CHRAC1: variants seen among roughly 807,000 people sequenced by gnomAD.
CHRAC1 encodes chromatin accessibility complex protein 1.
Under a neutral mutation model 9.1 loss-of-function variants are expected in CHRAC1, and 6 were observed. The observed-to-expected ratio is 0.66, with a 90% CI of 0.36 to 1.29. The LOEUF (loss-of-function observed/expected upper bound fraction) is 1.29. CHRAC1 is among the 50% of genes most tolerant of loss of function. The probability of loss-of-function intolerance (pLI) is 0.03; values close to 1 mark genes in which losing one functional copy is unlikely to be tolerated. For synonymous variants in CHRAC1, 73 were observed against 64.5 expected (o/e 1.13, Z -0.63); for missense variants, 168 against 163.5 (o/e 1.03, Z -0.15).
intron 1 of CHRAC1, chr8:140,511,955 C>T (rs750046415): frequency 2.0e-5 from 26 of 1,293,504 alleles, no homozygotes; most frequent in South Asian, 8.6e-5. Context: ...CCCTTCCTTC[C>T]GTGCGCACCT....
Position 140,516,642 on chromosome 8 carries a change from T to G in CHRAC1, c.*1395T>G, listed in dbSNP as rs905229664. On this transcript the variant is annotated 3_prime_UTR_variant, in exon 3 of 3. Coordinates refer to ENST00000220913, the MANE Select transcript of CHRAC1 (RefSeq NM_017444.6). ...TCTCCTGCCCCCTAGCAACCACTGG[T>G]GTTTTCTGTCCCTCTTGTTCATTGA... The G allele has an allele frequency of 6.6e-6, 1 of 152,162 alleles. No homozygotes were observed. The highest frequency in any genetic ancestry group is 2.4e-5 in the African/African-American group (1 of 41,436). The allele number at this position is 152,162 out of a possible 1,614,324, so 9.4% of individuals were successfully genotyped here. A position where few individuals can be genotyped will look rare whatever the true frequency, so the allele number is the denominator to read the frequency against.
intron 1 of CHRAC1, among the ~76,000 whole-genome samples, chr8:140,512,194 C>G (rs1196235265): frequency 6.6e-6 from 1 of 152,136 alleles, no homozygotes; most frequent in Non-Finnish European, 1.5e-5. Flanking sequence ...CTCCCTACTC[C>G]CGGCCTGCCT....
At position 140,515,297 on chromosome 8, in the gene CHRAC1, T is replaced by G; in HGVS notation, c.*50T>G. On this transcript the variant is annotated 3_prime_UTR_variant, in exon 3 of 3. Transcript: ENST00000220913. ...CTGGCGAGGACAGCCCTGGACCCAC[T>G]CCACTGTCTCTAAGTAAACACAGCA... The G allele has an allele frequency of 2.5e-6, 4 of 1,589,926 alleles. No individual in the cohort carries two copies. In the South Asian group the frequency reaches 4.6e-5, roughly 18 times the overall value.
Position 140,515,399 on chromosome 8 carries a change from G to A in CHRAC1, c.*152G>A, listed in dbSNP as rs1438748151. On this transcript the variant is annotated 3_prime_UTR_variant, in exon 3 of 3. Coordinates refer to ENST00000220913, the MANE Select transcript of CHRAC1 (RefSeq NM_017444.6). ...TCTTTCGAGGTATTCTTTCCAGGCCGAGATTGAGCACCTCATGTACCTACG... is the reference window on the plus strand; with the variant it reads ...TCTTTCGAGGTATTCTTTCCAGGCCAAGATTGAGCACCTCATGTACCTACG... 1.1e-5 allele frequency: 9 copies of A among 794,640 alleles called. No homozygotes were observed. Among genetic ancestry groups the A allele is most frequent in the South Asian group, 1.9e-5 (1 of 52,972 alleles). 49.2% of individuals were successfully genotyped at this position (794,640 alleles called of 1,614,324 possible). A position where few individuals can be genotyped will look rare whatever the true frequency, so the allele number is the denominator to read the frequency against.
intron 1 of CHRAC1, 35 bp downstream of exon 1, chr8:140,511,681 AC>A: frequency 7.8e-7 from 1 of 1,280,660 alleles, no homozygotes; most frequent in Non-Finnish European, 9.9e-7. Flanking sequence ...GGCCGCCCTT[AC>A]CCCTCGCGCC....
At position 140,516,685 on chromosome 8, in the gene CHRAC1, A is replaced by C. The variant is rs1010049972; in HGVS notation, c.*1438A>C. 6.6e-6 allele frequency: 1 copy of C among 152,174 alleles called. No homozygotes were observed. Among genetic ancestry groups the C allele is most frequent in the African/African-American group, 2.4e-5 (1 of 41,424 alleles). The allele number at this position is 152,174 out of a possible 1,614,324, so 9.4% of individuals were successfully genotyped here. A position where few individuals can be genotyped will look rare whatever the true frequency, so the allele number is the denominator to read the frequency against. ...TTCATTGACATTTATTTTAAAATAA[A>C]ATATTTTAAAATCTACTTTTTGGTG... On this transcript the variant is annotated 3_prime_UTR_variant, in exon 3 of 3. Transcript: ENST00000220913.
Position 140,511,692 on chromosome 8 carries a change from C to T in CHRAC1, c.147+46C>T, listed in dbSNP as rs772109934. On this transcript the variant is annotated intron_variant, in intron 1 of 2. Coordinates refer to ENST00000220913, the MANE Select transcript of CHRAC1 (RefSeq NM_017444.6). ...TGTGGGCCGCCCTTACCCCTCGCGC[C>T]CCGCCCCGCCGGGCTCTGGGCACTG... 3.1e-6 allele frequency: 4 copies of T among 1,287,500 alleles called. No homozygotes were observed. In the South Asian group the frequency reaches 1.1e-4, roughly 35 times the overall value. The allele number at this position is 1,287,500 out of a possible 1,614,324, so 79.8% of individuals were successfully genotyped here.
At chr8:140,512,711 C>T (rs1228582699) in intron 1 of CHRAC1, among the ~76,000 whole-genome samples, 1 of 152,200 alleles carries the variant, frequency 6.6e-6, no homozygotes, top group African/African-American at 2.4e-5. Context: ...GCCATGTTTT[C>T]CTAGAGCCCA....
At chr8:140,513,067 C>T (rs747617098) in intron 1 of CHRAC1, among the ~76,000 whole-genome samples, 9 of 152,252 alleles carry the variant, frequency 5.9e-5, no homozygotes, top group Non-Finnish European at 8.8e-5. Flanking sequence ...ATCCGTCTGC[C>T]TCAGCCTCCC....
intron 1 of CHRAC1, among the ~76,000 whole-genome samples, chr8:140,512,920 G>T (rs2072294770): frequency 6.6e-6 from 1 of 152,146 alleles, no homozygotes; most frequent in African/African-American, 2.4e-5. Context: ...GGGTTCAGAT[G>T]ATTCTCCTGC....
chr8:140,515,290 G>A lies in CHRAC1; in HGVS notation c.*43G>A. ...AACCAGCCTGGCGAGGACAGCCCTG[G>A]ACCCACTCCACTGTCTCTAAGTAAA... On this transcript the variant is annotated 3_prime_UTR_variant, in exon 3 of 3. Transcript: ENST00000220913. 6.3e-7 allele frequency: 1 copy of A among 1,599,264 alleles called. No individual in the cohort carries two copies. The highest frequency in any genetic ancestry group is 8.5e-7 in the Non-Finnish European group (1 of 1,173,440).
chr8:140,516,593 C>CCCTCTGTT lies in CHRAC1; in HGVS notation c.*1360_*1367dup, dbSNP rs796067140. 1 of 152,140 alleles carries CCCTCTGTT rather than the reference C, an allele frequency of 6.6e-6. No homozygotes were observed. The highest frequency in any genetic ancestry group is 1.5e-5 in the Non-Finnish European group (1 of 68,032). 9.4% of individuals were successfully genotyped at this position (152,140 alleles called of 1,614,324 possible). ...GACAGTTCTGCCACCCAGGACATTC[C>CCCTCTGTT]CCTCTGTTCCTCTGTTCCTCTCTTC... On this transcript the variant is annotated 3_prime_UTR_variant, in exon 3 of 3. Transcript: ENST00000220913.
chr8:140,515,027 TATAGAGGTCAA>T, intron 2 of CHRAC1, 88 bp from the exon 3 acceptor site: 1 of 1,163,720 alleles, frequency 8.6e-7, no homozygotes, highest in Non-Finnish European at 1.2e-6. Context: ...TGGAACCTCT[TATAGAGGTCAA>T]AGCAGGAACT....
At chr8:140,514,554 C>G (rs1481736328) in intron 2 of CHRAC1, 59 bp downstream of exon 2, 1 of 1,387,818 alleles carries the variant, frequency 7.2e-7, no homozygotes, top group African/African-American at 1.5e-5. Context: ...AGCTCTTTCC[C>G]CACCCCTTGC....
chr8:140,512,467 C>T (rs1267446870), intron 1 of CHRAC1, among the ~76,000 whole-genome samples: 1 of 152,208 alleles, frequency 6.6e-6, no homozygotes, highest in Non-Finnish European at 1.5e-5. Flanking sequence ...CTCCTGGGTG[C>T]AAAATAGATA....
chr8:140,512,328 C>T (rs925388743), intron 1 of CHRAC1, among the ~76,000 whole-genome samples: 1 of 152,228 alleles, frequency 6.6e-6, no homozygotes, highest in African/African-American at 2.4e-5. Context: ...GGTGCCAGCT[C>T]CAGCGGTCCG....
intron 1 of CHRAC1, among the ~76,000 whole-genome samples, chr8:140,512,374 C>T (rs1417890494): frequency 3.3e-5 from 5 of 152,214 alleles, no homozygotes; most frequent in Non-Finnish European, 7.3e-5. Context: ...ACAGCTGGGG[C>T]CCCTCGTCTA....
rs1183941082 is a variant in CHRAC1, at chr8:140,511,509, G to A, written c.10G>A (p.Val4Met). Reference sequence around the variant, plus strand: ...CGCGACGGGCGGGAAGATGGCGGACGTGGTCGTGGGTAAAGACAAGGGCGG... The same window carrying A: ...CGCGACGGGCGGGAAGATGGCGGACATGGTCGTGGGTAAAGACAAGGGCGG... Reference protein sequence around the residue: MADVVVGKDKGGEQ... With the variant: MADMVVGKDKGGEQ... Residue 4 changes from valine (V) to methionine (M), a missense_variant, in exon 1 of 3, where the codon GTG becomes ATG. By Grantham distance (21) the Val-to-Met change is conservative. Transcript: ENST00000220913. 6.7e-6 allele frequency: 9 copies of A among 1,343,650 alleles called. No homozygotes were observed. The highest frequency in any genetic ancestry group is 1.9e-5 in the South Asian group (1 of 51,848). 83.2% of individuals were successfully genotyped at this position (1,343,650 alleles called of 1,614,324 possible). A position where few individuals can be genotyped will look rare whatever the true frequency, so the allele number is the denominator to read the frequency against.
chr8:140,514,381 C>G lies in CHRAC1; in HGVS notation c.160C>G (p.Gln54Glu), dbSNP rs755674893. The G allele has an allele frequency of 4.5e-5, 71 of 1,583,486 alleles. No homozygotes were observed. The highest frequency in any genetic ancestry group is 5.8e-5 in the Non-Finnish European group (68 of 1,171,582). ...CATTTTGTTCTAGGAGCTCTTTGTT[C>G]AATGCCTAGCCACCTATTCCTACAG... ...LTAKATELFVQCLATYSYRHG... is the reference protein window; with the variant it reads ...LTAKATELFVECLATYSYRHG... Residue 54 changes from glutamine (Q) to glutamate (E), a missense_variant, in exon 2 of 3, where the codon CAA (glutamine) becomes GAA (glutamate). Gln to Glu is a conservative substitution (Grantham distance 29, BLOSUM62 2). Coordinates refer to ENST00000220913, the MANE Select transcript of CHRAC1 (RefSeq NM_017444.6).
Sources: gnomAD v4.1 joint callset for allele counts (sites outside exome capture counted in the v4.1 genomes callset) on GRCh38, gnomAD v4.1.1 for gene constraint, MANE v1.5 for transcripts, NCBI Gene and HGNC (gene_info 2026-07-23, HGNC 2026-07-21) for gene names.